OR2C1: variants seen among roughly 807,000 people sequenced by gnomAD.
The protein encoded by OR2C1 is olfactory receptor 2C1.
For missense variants in OR2C1, 468 were observed against 388.3 expected (o/e 1.21, Z -1.73); for synonymous variants, 209 against 167.3 (o/e 1.25, Z -1.92).
the OR2C1 span, among the ~76,000 whole-genome samples, chr16:3,349,287 C>T: frequency 6.6e-6 from 1 of 152,162 alleles, no homozygotes; most frequent in Non-Finnish European, 1.5e-5. Flanking sequence ...CAGACTGAGT[C>T]GGTTCTTCAG....
At chr16:3,333,877 G>C in the OR2C1 span, among the ~76,000 whole-genome samples, 1 of 151,952 alleles carries the variant, frequency 6.6e-6, no homozygotes, top group Non-Finnish European at 1.5e-5. Context: ...TTTGTATATG[G>C]TGAGAGACAG....
At chr16:3,354,161 T>G (rs1270669819), upstream of OR2C1, among the ~76,000 whole-genome samples, 1 of 152,084 alleles carries the variant, frequency 6.6e-6, no homozygotes, top group Non-Finnish European at 1.5e-5. Flanking sequence ...TTTTTTGTAT[T>G]ATTAGTAGAG....
Position 3,356,876 on chromosome 16 carries a change from C to G in OR2C1, c.936C>G (p.Gly312=), listed in dbSNP as rs74527639. The G allele has an allele frequency of 4.0e-4, 639 of 1,578,480 alleles. No homozygotes were observed. In the African/African-American group the frequency reaches 7.0e-3, roughly 17 times the overall value. The change falls in exon 1 of 1, where the codon GGC becomes GGG. Residue 312 remains glycine, a synonymous_variant. Transcript: ENST00000304936. ...TGCTGGGGAAAGGAAGAGAAGTTGG[C>G]TGAGAGAACACTCCTTCGTTATTTA... ...RRLLGKGREV[G]
chr16:3,328,893 G>C, the OR2C1 span, among the ~76,000 whole-genome samples: 1 of 152,000 alleles, frequency 6.6e-6, no homozygotes, highest in East Asian at 1.9e-4. Flanking sequence ...CTGACCTTTG[G>C]TCTTTCCTTC....
chr16:3,335,677 C>A, the OR2C1 span, among the ~76,000 whole-genome samples: 5 of 151,976 alleles, frequency 3.3e-5, no homozygotes, highest in African/African-American at 1.2e-4. Flanking sequence ...CAGGCGCCCA[C>A]CACCACATCC....
At chr16:3,350,512 C>T in the OR2C1 span, among the ~76,000 whole-genome samples, 9 of 149,788 alleles carry the variant, frequency 6.0e-5, no homozygotes, top group East Asian at 4.0e-4. Flanking sequence ...TCCGGGTTCA[C>T]GCCATTCTCC....
At chr16:3,335,150 T>C in the OR2C1 span, among the ~76,000 whole-genome samples, 1 of 152,220 alleles carries the variant, frequency 6.6e-6, no homozygotes, top group Non-Finnish European at 1.5e-5. Flanking sequence ...GGATTACTTT[T>C]ACTATTAGTG....
chr16:3,339,221 A>G, the OR2C1 span, among the ~76,000 whole-genome samples: 3 of 151,352 alleles, frequency 2.0e-5, no homozygotes, highest in Admixed American at 2.0e-4. Flanking sequence ...AATGTTCTAT[A>G]GCATTTCAAT....
In OR2C1 at chr16:3,356,805, A is replaced by G; in HGVS notation, c.865A>G (p.Ile289Val). ...GGTCACACCCATGGTGAATCCCCTC[A>G]TCTACACGCTGCGGAACATGGAAGT... ...SLVTPMVNPL[I>V]YTLRNMEVKG... Residue 289 changes from isoleucine (I) to valine (V), a missense_variant, in exon 1 of 1, where the codon ATC becomes GTC. By Grantham distance (29) the Ile-to-Val change is conservative. Transcript: ENST00000304936. The G allele has an allele frequency of 6.2e-7, 1 of 1,614,054 alleles. No homozygotes were observed. The highest frequency in any genetic ancestry group is 8.5e-7 in the Non-Finnish European group (1 of 1,180,004).
upstream of OR2C1, chr16:3,355,740 C>T (rs1218760): frequency 0.27 from 152,672 of 575,186 alleles, 20,918 homozygotes; most frequent in African/African-American, 0.31. Flanking sequence ...TGAGATTGTG[C>T]CACTGCACTC....
the OR2C1 span, among the ~76,000 whole-genome samples, chr16:3,333,002 A>G: frequency 6.6e-6 from 1 of 152,068 alleles, no homozygotes. Context: ...ACAACAGCGT[A>G]CAAGGGTTCA....
chr16:3,351,269 C>T (rs2150850286), upstream of OR2C1, among the ~76,000 whole-genome samples: 1 of 121,546 alleles, frequency 8.2e-6, no homozygotes, highest in South Asian at 2.7e-4. Flanking sequence ...GCTCTGTTGC[C>T]CAGGCTGGAG....
the OR2C1 span, among the ~76,000 whole-genome samples, chr16:3,342,464 T>C: frequency 6.6e-6 from 1 of 152,138 alleles, no homozygotes. Flanking sequence ...ACACTTGTAA[T>C]CCCAGCACTT....
At chr16:3,339,288 T>C in the OR2C1 span, among the ~76,000 whole-genome samples, 1 of 152,098 alleles carries the variant, frequency 6.6e-6, no homozygotes, top group South Asian at 2.1e-4. Context: ...TTTTTTTTTT[T>C]TCATCTTTTG....
At chr16:3,341,814 G>A in the OR2C1 span, among the ~76,000 whole-genome samples, 125 of 152,142 alleles carry the variant, frequency 8.2e-4, 4 homozygotes, top group Non-Finnish European at 1.1e-3. Context: ...TGATGTAGGC[G>A]CGATTGATTA....
chr16:3,323,254 G>A, the OR2C1 span: 1 of 793,564 alleles, frequency 1.3e-6, no homozygotes, highest in South Asian at 1.3e-5. Flanking sequence ...ATCTCCTTGA[G>A]GAAGCCCACT....
In OR2C1 at chr16:3,356,091, C is replaced by G; in HGVS notation, c.151C>G (p.Leu51Val). Residue 51 changes from leucine to valine, a missense_variant, in exon 1 of 1, where the codon CTG (leucine) becomes GTG (valine). Transcript: ENST00000304936. ...CTCAACCATCATCTTGCTTTCCCGCCTGGAGGCCCGGCTCCATACACCCAT... is the reference window on the plus strand; with the variant it reads ...CTCAACCATCATCTTGCTTTCCCGCGTGGAGGCCCGGCTCCATACACCCAT... ...GNSTIILLSR[L>V]EARLHTPMYF... 2 of 1,614,216 alleles carry G rather than the reference C, an allele frequency of 1.2e-6. No individual in the cohort carries two copies. Among genetic ancestry groups the G allele is most frequent in the African/African-American group, 1.3e-5 (1 of 75,058 alleles).
chr16:3,334,370 T>C, the OR2C1 span, among the ~76,000 whole-genome samples: 4 of 151,104 alleles, frequency 2.6e-5, no homozygotes, highest in Non-Finnish European at 5.9e-5. Flanking sequence ...TCTCTTGACC[T>C]TGTGATCCGC....
At chr16:3,355,742 A>T (rs2030655520), upstream of OR2C1, 1 of 580,546 alleles carries the variant, frequency 1.7e-6, no homozygotes. Flanking sequence ...AGATTGTGCC[A>T]CTGCACTCCA....
Sources: allele counts gnomAD v4.1 joint callset (sites outside exome capture counted in the v4.1 genomes callset), GRCh38; gene constraint gnomAD v4.1.1; transcripts MANE v1.5; gene names NCBI Gene and HGNC (gene_info 2026-07-23, HGNC 2026-07-21).